Variants in ARMC3 observed in about 807,000 individuals in gnomAD.
ARMC3 encodes the protein armadillo repeat-containing protein 3.
A neutral mutation model predicts 90.3 loss-of-function variants in ARMC3; 74 were observed. The observed-to-expected ratio is 0.82, with a 90% CI of 0.68 to 0.99. The LOEUF (loss-of-function observed/expected upper bound fraction) is 0.99. Ranked by LOEUF, ARMC3 falls within the 50% of genes least tolerant of loss-of-function variation. The pLI is 0.00. For synonymous variants in ARMC3, 334 were observed against 361.8 expected, an observed-to-expected ratio of 0.92 and a Z score of 0.87; for missense variants, 958 against 1,042.8, an observed-to-expected ratio of 0.92 and a Z score of 1.12.
intron 8 of ARMC3, among the ~76,000 whole-genome samples, chr10:22,971,661 G>A (rs1835690696): frequency 6.6e-6 from 1 of 151,996 alleles, no homozygotes; most frequent in Admixed American, 6.6e-5. Context: ...AGCTGGTCTT[G>A]AACTCCTGAC....
At chr10:22,939,714 A>G (rs547262057) in intron 2 of ARMC3, among the ~76,000 whole-genome samples, 18 of 152,150 alleles carry the variant, frequency 1.2e-4, no homozygotes, top group Non-Finnish European at 2.2e-4. Context: ...CAGCTACATA[A>G]TTTTCACAAT....
chr10:23,003,444 T>G lies in ARMC3; in HGVS notation c.1731+30T>G, dbSNP rs1277612580. 4 of 1,516,726 alleles carry G rather than the reference T, an allele frequency of 2.6e-6. No individual in the cohort carries two copies. The Admixed American group carries it at 8.3e-5, about 31-fold the overall frequency. The allele number at this position is 1,516,726 out of a possible 1,614,324, so 94.0% of individuals were successfully genotyped here. A position where few individuals can be genotyped will look rare whatever the true frequency, so the allele number is the denominator to read the frequency against. ...GTGACAGCATTTATTTGTAGTTTAG[T>G]ATGTACAATAATAATTTTTCTTTAA... On this transcript the variant is annotated intron_variant, in intron 13 of 18. Coordinates refer to ENST00000298032, the MANE Select transcript of ARMC3 (RefSeq NM_173081.5).
intron 16 of ARMC3, among the ~76,000 whole-genome samples, chr10:23,018,942 T>C (rs1838398947): frequency 6.6e-6 from 1 of 152,150 alleles, no homozygotes; most frequent in African/African-American, 2.4e-5. Flanking sequence ...CCCTTTTAGA[T>C]TTCCGTGAGT....
At chr10:22,968,280 A>G in intron 7 of ARMC3, 26 bp from the exon 8 acceptor site, 1 of 1,600,248 alleles carries the variant, frequency 6.2e-7, no homozygotes, top group African/African-American at 1.3e-5. Flanking sequence ...ACAACTTTCT[A>G]AAGTTGTATT....
At chr10:23,024,393 C>CAGACAGACAG (rs1554787800) in intron 16 of ARMC3, among the ~76,000 whole-genome samples, 1 of 133,440 alleles carries the variant, frequency 7.5e-6, no homozygotes, top group African/African-American at 2.5e-5. Flanking sequence ...AGGAATGCCA[C>CAGACAGACAG]ATAGATAGAT....
intron 14 of ARMC3, 96 bp downstream of exon 14, chr10:23,007,077 C>T (rs1837653883): frequency 3.0e-6 from 3 of 999,494 alleles, no homozygotes; most frequent in East Asian, 2.5e-5. Flanking sequence ...ATTCCCAGAC[C>T]CTTTTCTCCT....
intron 16 of ARMC3, among the ~76,000 whole-genome samples, chr10:23,024,113 A>G (rs576932652): frequency 1.1e-4 from 16 of 152,332 alleles, no homozygotes; most frequent in African/African-American, 3.6e-4. Flanking sequence ...GTAGGAAAAC[A>G]TCGACTCAAG....
At chr10:23,014,755 G>T (rs748374606) in intron 16 of ARMC3, among the ~76,000 whole-genome samples, 2 of 151,908 alleles carry the variant, frequency 1.3e-5, no homozygotes, top group African/African-American at 2.4e-5. Flanking sequence ...AATGATGAGA[G>T]CACATGGACC....
At chr10:22,966,930 A>G (rs1036031043) in intron 7 of ARMC3, among the ~76,000 whole-genome samples, 4 of 151,308 alleles carry the variant, frequency 2.6e-5, no homozygotes, top group African/African-American at 9.7e-5. Flanking sequence ...ATTTGCCTAG[A>G]GATCACAATT....
intron 4 of ARMC3, 91 bp downstream of exon 4, chr10:22,956,023 T>A: frequency 8.2e-7 from 1 of 1,216,434 alleles, no homozygotes; most frequent in Non-Finnish European, 1.1e-6. Flanking sequence ...TGTTTCAATT[T>A]TATTTAAACT....
At chr10:23,022,951 G>A (rs1025200856) in intron 16 of ARMC3, among the ~76,000 whole-genome samples, 1 of 151,922 alleles carries the variant, frequency 6.6e-6, no homozygotes, top group Non-Finnish European at 1.5e-5. Flanking sequence ...CCTGCAAGAG[G>A]GACCTAAGCA....
intron 8 of ARMC3, among the ~76,000 whole-genome samples, chr10:22,972,203 TTATC>T (rs1254181940): frequency 1.3e-5 from 2 of 152,216 alleles, no homozygotes; most frequent in Non-Finnish European, 2.9e-5. Flanking sequence ...GCATTCCAAT[TTATC>T]TATTTTGTTG....
chr10:23,008,740 C>T (rs1467573576), intron 15 of ARMC3, 75 bp from the exon 16 acceptor site: 9 of 1,218,378 alleles, frequency 7.4e-6, no homozygotes, highest in Admixed American at 2.0e-5. Context: ...GCCTTGTAAG[C>T]TCTAAATGCA....
chr10:22,947,170 A>G (rs555697921), intron 3 of ARMC3, among the ~76,000 whole-genome samples: 10 of 151,782 alleles, frequency 6.6e-5, no homozygotes, highest in Non-Finnish European at 1.3e-4. Context: ...GCCAGGTATG[A>G]TGGCACATGT....
intron 10 of ARMC3, among the ~76,000 whole-genome samples, chr10:22,987,400 G>T (rs1011542270): frequency 2.0e-5 from 3 of 152,120 alleles, no homozygotes; most frequent in African/African-American, 7.2e-5. Context: ...GAAGAAAAAG[G>T]GTTCAGTGTT....
At chr10:22,975,621 C>T (rs1835886783) in intron 8 of ARMC3, among the ~76,000 whole-genome samples, 1 of 152,096 alleles carries the variant, frequency 6.6e-6, no homozygotes, top group African/African-American at 2.4e-5. Context: ...TTGTTCAAGC[C>T]TGATTTGCAT....
intron 3 of ARMC3, among the ~76,000 whole-genome samples, chr10:22,951,665 T>C (rs1033025027): frequency 6.6e-6 from 1 of 152,156 alleles, no homozygotes; most frequent in Non-Finnish European, 1.5e-5. Flanking sequence ...TACTTTTAAA[T>C]GACTCATGAA....
At chr10:22,997,860 GT>G (rs1481374170) in intron 10 of ARMC3, among the ~76,000 whole-genome samples, 3 of 151,894 alleles carry the variant, frequency 2.0e-5, no homozygotes, top group Non-Finnish European at 4.4e-5. Context: ...TTTTTAAGAA[GT>G]AGTAGTCGTC....
intron 10 of ARMC3, among the ~76,000 whole-genome samples, chr10:22,994,100 C>G (rs1836839324): frequency 6.6e-6 from 1 of 152,186 alleles, no homozygotes; most frequent in Non-Finnish European, 1.5e-5. Flanking sequence ...ATATTTAGCA[C>G]ACAAATGCTC....
Sources: gnomAD v4.1 joint callset for allele counts (sites outside exome capture counted in the v4.1 genomes callset) on GRCh38, gnomAD v4.1.1 for gene constraint, MANE v1.5 for transcripts, NCBI Gene and HGNC (gene_info 2026-07-23, HGNC 2026-07-21) for gene names.